Variants in LRRTM4 observed in about 807,000 individuals in gnomAD.
LRRTM4 encodes leucine rich repeat transmembrane neuronal 4.
In LRRTM4, 25 loss-of-function variants were observed where a neutral mutation model predicts 47.6. That is an observed-to-expected ratio of 0.53 (90% CI 0.38 to 0.73). The LOEUF is 0.73. Among genes scored for constraint, LRRTM4 ranks in the 30% least tolerant of loss-of-function variants. The pLI is 0.00. For missense variants in LRRTM4, 638 were observed against 713.4 expected, an observed-to-expected ratio of 0.89 and a Z score of 1.20; for synonymous variants, 311 against 269.5, an observed-to-expected ratio of 1.15 and a Z score of -1.51.
chr2:76,829,853 G>A (rs115905622), intron 3 of LRRTM4, among the ~76,000 whole-genome samples: 4 of 151,946 alleles, frequency 2.6e-5, no homozygotes, highest in African/African-American at 4.8e-5. Flanking sequence ...AATCATAACC[G>A]TCACTTAGAC....
At chr2:77,488,709 A>C (rs140985309) in intron 3 of LRRTM4, among the ~76,000 whole-genome samples, 244 of 152,278 alleles carry the variant, frequency 1.6e-3, no homozygotes, top group African/African-American at 5.1e-3. Context: ...GATCTAGTCA[A>C]TTGCAGAATT....
chr2:77,004,867 T>C (rs1275445051), intron 3 of LRRTM4, among the ~76,000 whole-genome samples: 1 of 152,206 alleles, frequency 6.6e-6, no homozygotes, highest in Non-Finnish European at 1.5e-5. Context: ...TCAAAGATTA[T>C]TTCCAAGTTT....
intron 3 of LRRTM4, among the ~76,000 whole-genome samples, chr2:77,417,636 C>T (rs1674687974): frequency 6.6e-6 from 1 of 151,898 alleles, no homozygotes; most frequent in South Asian, 2.1e-4. Flanking sequence ...AGCTGGAAAC[C>T]ATCATTCTCA....
intron 3 of LRRTM4, chr2:77,516,714 A>G (rs1679219281): frequency 2.1e-6 from 2 of 966,032 alleles, no homozygotes; most frequent in South Asian, 9.6e-5. Flanking sequence ...AATTGCTTAT[A>G]CAGTTTCCTT....
At chr2:76,790,955 A>C (rs1045592177) in intron 3 of LRRTM4, among the ~76,000 whole-genome samples, 1 of 152,182 alleles carries the variant, frequency 6.6e-6, no homozygotes, top group Non-Finnish European at 1.5e-5. Context: ...TCCATATTTC[A>C]CTTTAAACAT....
At position 76,898,553 on chromosome 2, in the gene LRRTM4, CAAAAA is replaced by C. The variant is rs56345618; in HGVS notation, c.1552-149642_1552-149638del. ...GGGTAACAAGAGCAAAGCTCCGTCT[CAAAAA>C]AAAAAAAAAAAAAAAAAAGAGTTAG... On this transcript the variant is annotated intron_variant, in intron 3 of 3. Coordinates refer to ENST00000409884, the MANE Select transcript of LRRTM4 (RefSeq NM_001134745.3). 1.1e-4 allele frequency among the ~76,000 whole-genome samples: 7 copies of C among 63,550 alleles called. No individual in the cohort carries two copies. In the East Asian group the frequency reaches 3.2e-3, roughly 29 times the overall value. 41.7% of individuals were successfully genotyped at this position (63,550 alleles called of 152,430 possible).
At chr2:77,210,949 C>T (rs931743348) in intron 3 of LRRTM4, among the ~76,000 whole-genome samples, 2 of 152,046 alleles carry the variant, frequency 1.3e-5, no homozygotes, top group Non-Finnish European at 2.9e-5. Context: ...TGGTAGCCCG[C>T]CCATTACCTG....
At chr2:76,834,988 T>C (rs1671467780) in intron 3 of LRRTM4, among the ~76,000 whole-genome samples, 1 of 152,134 alleles carries the variant, frequency 6.6e-6, no homozygotes, top group African/African-American at 2.4e-5. Flanking sequence ...GTTTCCAAGA[T>C]ACATTCCATC....
At chr2:76,753,806 C>T (rs1039020421) in intron 3 of LRRTM4, among the ~76,000 whole-genome samples, 2 of 152,012 alleles carry the variant, frequency 1.3e-5, no homozygotes, top group African/African-American at 4.8e-5. Context: ...GAAATGGACT[C>T]TTGATATATA....
intron 3 of LRRTM4, among the ~76,000 whole-genome samples, chr2:77,016,253 G>A (rs1471885355): frequency 2.6e-5 from 4 of 151,890 alleles, no homozygotes; most frequent in African/African-American, 4.8e-5. Context: ...GGGCGTGGTG[G>A]CAGGCGCCTG....
chr2:76,959,628 A>G (rs1487577747), intron 3 of LRRTM4, among the ~76,000 whole-genome samples: 1 of 151,846 alleles, frequency 6.6e-6, no homozygotes, highest in South Asian at 2.1e-4. Flanking sequence ...TCCTATTGGA[A>G]AATTTTCATG....
intron 3 of LRRTM4, among the ~76,000 whole-genome samples, chr2:76,902,958 T>G (rs2103751106): frequency 6.6e-6 from 1 of 152,350 alleles, no homozygotes; most frequent in African/African-American, 2.4e-5. Flanking sequence ...TATAATAAAC[T>G]AATAAATTGG....
chr2:77,079,523 C>A (rs1039242304), intron 3 of LRRTM4, among the ~76,000 whole-genome samples: 1 of 152,122 alleles, frequency 6.6e-6, no homozygotes, highest in East Asian at 1.9e-4. Flanking sequence ...GAGATTTTTG[C>A]AATTTTTTTA....
intron 3 of LRRTM4, among the ~76,000 whole-genome samples, chr2:76,828,795 G>C (rs892056748): frequency 6.6e-6 from 1 of 151,852 alleles, no homozygotes; most frequent in Non-Finnish European, 1.5e-5. Context: ...CTGTACAAAA[G>C]CCTAGCACGA....
intron 3 of LRRTM4, among the ~76,000 whole-genome samples, chr2:77,071,967 A>G (rs1177912027): frequency 6.6e-6 from 1 of 152,084 alleles, no homozygotes; most frequent in Non-Finnish European, 1.5e-5. Flanking sequence ...ATATTTTTTG[A>G]CTTGGTAAGA....
At chr2:76,880,378 A>T (rs1672895808) in intron 3 of LRRTM4, among the ~76,000 whole-genome samples, 1 of 152,214 alleles carries the variant, frequency 6.6e-6, no homozygotes. Context: ...AAAGATTATG[A>T]ATCACTGAAG....
At chr2:77,388,658 T>C (rs1673381691) in intron 3 of LRRTM4, among the ~76,000 whole-genome samples, 1 of 152,146 alleles carries the variant, frequency 6.6e-6, no homozygotes, top group Admixed American at 6.6e-5. Flanking sequence ...CTGATTCAGT[T>C]TGGTGTAAAT....
chr2:77,073,334 A>G (rs1056627455), intron 3 of LRRTM4, among the ~76,000 whole-genome samples: 1 of 152,158 alleles, frequency 6.6e-6, no homozygotes, highest in Non-Finnish European at 1.5e-5. Flanking sequence ...CCAGAAATTA[A>G]ATACTATCCA....
chr2:77,517,721 A>G (rs953967865), intron 3 of LRRTM4: 2 of 982,704 alleles, frequency 2.0e-6, no homozygotes, highest in African/African-American at 3.5e-5. Flanking sequence ...AAGAAGCCTT[A>G]GGAGCCTGAT....
Sources: gnomAD v4.1 joint callset for allele counts (sites outside exome capture counted in the v4.1 genomes callset) on GRCh38, gnomAD v4.1.1 for gene constraint, MANE v1.5 for transcripts, NCBI Gene and HGNC (gene_info 2026-07-23, HGNC 2026-07-21) for gene names.